Variants in ITGB8 observed in about 807,000 individuals in gnomAD.
ITGB8 encodes the protein integrin subunit beta 8.
ITGB8 carries 30 observed loss-of-function variants against 89.5 expected under a neutral mutation model. The ratio of observed to expected loss-of-function variants is 0.34; its 90% confidence interval spans 0.25 to 0.45. The LOEUF is 0.45. Ranked by LOEUF, ITGB8 falls within the 20% of genes least tolerant of loss-of-function variation. ITGB8 has a pLI of 1.00. For synonymous variants in ITGB8, 335 were observed against 320.4 expected (o/e 1.05, Z -0.49); for missense variants, 836 against 933.3 (o/e 0.90, Z 1.36).
chr7:20,384,687 C>T (rs1172483095), intron 6 of ITGB8, among the ~76,000 whole-genome samples: 3 of 152,194 alleles, frequency 2.0e-5, no homozygotes, highest in Non-Finnish European at 4.4e-5. Context: ...TACTTTGCCA[C>T]AGTCTGTCGA....
chr7:20,343,235 C>T (rs1310353659), intron 1 of ITGB8, among the ~76,000 whole-genome samples: 3 of 152,144 alleles, frequency 2.0e-5, no homozygotes, highest in Non-Finnish European at 2.9e-5. Context: ...TTTATTGATC[C>T]GGCTGCCTGG....
chr7:20,336,119 C>A (rs915885531), intron 1 of ITGB8, among the ~76,000 whole-genome samples: 2 of 149,062 alleles, frequency 1.3e-5, no homozygotes, highest in Non-Finnish European at 3.0e-5. Flanking sequence ...CATTCTCCTG[C>A]CTCAGCCTAC....
rs1787863869 is a variant in ITGB8, at chr7:20,414,342, A to G, written c.*4345A>G. The G allele has an allele frequency of 6.6e-6, 1 of 152,192 alleles. No homozygotes were observed. Among genetic ancestry groups the G allele is most frequent in the South Asian group, 2.1e-4 (1 of 4,834 alleles). The allele number at this position is 152,192 out of a possible 1,614,324, so 9.4% of individuals were successfully genotyped here. On this transcript the variant is annotated 3_prime_UTR_variant, in exon 14 of 14. Coordinates refer to ENST00000222573, the MANE Select transcript of ITGB8 (RefSeq NM_002214.3). ...TTTACAAAAGCTCTTTCAGGTCCCC[A>G]TTTATACTTTACGTGAGTGCGAATG...
At chr7:20,362,888 G>C (rs1314954592) in intron 1 of ITGB8, among the ~76,000 whole-genome samples, 1 of 152,136 alleles carries the variant, frequency 6.6e-6, no homozygotes, top group Non-Finnish European at 1.5e-5. Context: ...AGGGATAAAG[G>C]TAAATAATTT....
At chr7:20,354,381 A>G (rs757911223) in intron 1 of ITGB8, among the ~76,000 whole-genome samples, 8 of 152,222 alleles carry the variant, frequency 5.3e-5, no homozygotes, top group Non-Finnish European at 1.0e-4. Flanking sequence ...ATTTCTTTTA[A>G]AACTTTACAT....
At chr7:20,337,644 G>T (rs1045676489) in intron 1 of ITGB8, among the ~76,000 whole-genome samples, 1 of 152,150 alleles carries the variant, frequency 6.6e-6, no homozygotes, top group Non-Finnish European at 1.5e-5. Context: ...AATAAATAAT[G>T]GTCCCAGAAT....
At chr7:20,367,434 G>T (rs1403224136) in intron 3 of ITGB8, among the ~76,000 whole-genome samples, 1 of 152,164 alleles carries the variant, frequency 6.6e-6, no homozygotes, top group Non-Finnish European at 1.5e-5. Flanking sequence ...TGATCAGGTT[G>T]TGATGTAATT....
intron 1 of ITGB8, among the ~76,000 whole-genome samples, chr7:20,354,470 G>A (rs1433058906): frequency 6.6e-6 from 1 of 152,222 alleles, no homozygotes; most frequent in Non-Finnish European, 1.5e-5. Context: ...TTATCTGCAA[G>A]TAAGAGGGTC....
At position 20,331,905 on chromosome 7, in the gene ITGB8, T is replaced by G. The variant is rs1453299245; in HGVS notation, c.99T>G (p.Phe33Leu). Residue 33 changes from phenylalanine to leucine, a missense_variant, in exon 1 of 14, where the codon TTT becomes TTG. Coordinates refer to ENST00000222573, the MANE Select transcript of ITGB8 (RefSeq NM_002214.3). ...CGTTCCTCTGGGCAGCCTGGGTGTT[T>G]TCACTTGTTCTTGGACTGGGCCAAG... ...PASFLWAAWV[F>L]SLVLGLGQGE... 6.2e-7 allele frequency: 1 copy of G among 1,614,188 alleles called. No individual in the cohort carries two copies. The highest frequency in any genetic ancestry group is 1.1e-5 in the South Asian group (1 of 91,076).
At chr7:20,341,660 A>T (rs149284351) in intron 1 of ITGB8, among the ~76,000 whole-genome samples, 106 of 152,294 alleles carry the variant, frequency 7.0e-4, no homozygotes, top group African/African-American at 2.4e-3. Flanking sequence ...GGCCCACTGA[A>T]GACAGCATAG....
chr7:20,335,163 A>C (rs894664103), intron 1 of ITGB8, among the ~76,000 whole-genome samples: 3 of 152,190 alleles, frequency 2.0e-5, no homozygotes, highest in African/African-American at 7.2e-5. Flanking sequence ...GTAAATAAAA[A>C]TACTACTGGA....
At chr7:20,404,917 C>G in intron 11 of ITGB8, 64 bp downstream of exon 11, 1 of 1,364,986 alleles carries the variant, frequency 7.3e-7, no homozygotes. Flanking sequence ...TTCGTTCTGA[C>G]TTCCTTAATC....
intron 2 of ITGB8, chr7:20,364,832 G>A (rs1785632346): frequency 6.6e-6 from 1 of 152,160 alleles, no homozygotes; most frequent in South Asian, 2.1e-4. Context: ...TCTGCTTCCA[G>A]GTTTTTCTCT....
chr7:20,346,590 C>T (rs1430364473), intron 1 of ITGB8: 1 of 438,666 alleles, frequency 2.3e-6, no homozygotes, highest in African/African-American at 2.1e-5. Context: ...GCTCTTAATT[C>T]TTAGGGAAGG....
At chr7:20,340,407 A>C (rs1291036133) in intron 1 of ITGB8, among the ~76,000 whole-genome samples, 1 of 152,222 alleles carries the variant, frequency 6.6e-6, no homozygotes, top group Non-Finnish European at 1.5e-5. Context: ...TGATGAAGAC[A>C]GGAGGATGAA....
At chr7:20,378,011 T>C (rs999086812) in intron 3 of ITGB8, among the ~76,000 whole-genome samples, 4 of 152,230 alleles carry the variant, frequency 2.6e-5, no homozygotes, top group Non-Finnish European at 5.9e-5. Flanking sequence ...ATTCGGAATA[T>C]TCTTATGGAA....
chr7:20,381,880 A>G lies in ITGB8; in HGVS notation c.955A>G (p.Thr319Ala). The G allele has an allele frequency of 1.9e-6, 3 of 1,611,406 alleles. No individual in the cohort carries two copies. The highest frequency in any genetic ancestry group is 2.5e-6 in the Non-Finnish European group (3 of 1,179,190). ...LKNNVYVKST[T>A]MEHPSLGQLS... ...AAACAACGTCTATGTCAAATCGACA[A>G]CCATGGTAATGCAGCAGTAACCGCT... Residue 319 changes from threonine to alanine, a missense_variant, in exon 6 of 14, where the codon ACC (threonine) becomes GCC (alanine). By Grantham distance (58) the Thr-to-Ala change is moderately conservative. Transcript: ENST00000222573.
chr7:20,343,590 C>T (rs1453309171), intron 1 of ITGB8, among the ~76,000 whole-genome samples: 1 of 152,186 alleles, frequency 6.6e-6, no homozygotes, highest in Admixed American at 6.5e-5. Flanking sequence ...AAAAAAAATT[C>T]AGGATGGAGA....
chr7:20,409,900 G>A lies in ITGB8; in HGVS notation c.2213G>A (p.Cys738Tyr), dbSNP rs1280575240. 1.9e-6 allele frequency: 3 copies of A among 1,613,534 alleles called. No homozygotes were observed. The highest frequency in any genetic ancestry group is 3.3e-5 in the Admixed American group (2 of 59,962). The part of the protein sequence containing the change: ...KKDKLILQSV[C>Y]TRAVTYRREK... ...GATAAGTTGATTCTGCAAAGTGTTT[G>A]CACAAGAGCAGTCACCTACCGACGT... Residue 738 changes from cysteine (C) to tyrosine (Y), a missense_variant, in exon 14 of 14, where the codon TGC becomes TAC. Physicochemically the swap from Cys to Tyr is radical, Grantham distance 194. Coordinates refer to ENST00000222573, the MANE Select transcript of ITGB8 (RefSeq NM_002214.3).
Sources: gnomAD v4.1 joint callset for allele counts (sites outside exome capture counted in the v4.1 genomes callset) on GRCh38, gnomAD v4.1.1 for gene constraint, MANE v1.5 for transcripts, NCBI Gene and HGNC (gene_info 2026-07-23, HGNC 2026-07-21) for gene names.